The following KCNB2 variants were observed in gnomAD, a reference collection of about 807,000 sequenced individuals.
KCNB2 encodes the protein delayed rectifier potassium channel protein.
KCNB2 carries 15 observed loss-of-function variants against 61.5 expected under a neutral mutation model. The observed-to-expected ratio is 0.24, with a 90% CI of 0.16 to 0.38. KCNB2 has a LOEUF of 0.38. Ranked by LOEUF, KCNB2 falls within the 10% of genes least tolerant of loss-of-function variation. The pLI, the probability that KCNB2 is intolerant of heterozygous loss-of-function variation, is 1.00. For synonymous variants in KCNB2, 457 were observed against 446.0 expected (o/e 1.02, Z -0.31); for missense variants, 828 against 1,125.2 (o/e 0.74, Z 3.78).
chr8:72,588,073 G>A (rs1585768817), intron 2 of KCNB2, among the ~76,000 whole-genome samples: 1 of 152,264 alleles, frequency 6.6e-6, no homozygotes, highest in South Asian at 2.1e-4. Flanking sequence ...AACAGAACTG[G>A]CTCTGGAAAC....
chr8:72,920,488 T>TA (rs57048446), intron 2 of KCNB2, among the ~76,000 whole-genome samples: 34 of 137,212 alleles, frequency 2.5e-4, no homozygotes, highest in Non-Finnish European at 4.0e-4. Flanking sequence ...TATATATATA[T>TA]TAGCTGGCCA....
chr8:72,931,427 T>A (rs982209566), intron 2 of KCNB2, among the ~76,000 whole-genome samples: 1 of 152,226 alleles, frequency 6.6e-6, no homozygotes, highest in Admixed American at 6.5e-5. Context: ...TTCCTATCCA[T>A]GAGCATGGAA....
chr8:72,690,415 T>C lies in KCNB2; in HGVS notation c.579+122102T>C, dbSNP rs189305691. 2.5e-3 allele frequency among the ~76,000 whole-genome samples: 379 copies of C among 152,376 alleles called. 3 individuals are homozygous for C. The highest frequency in any genetic ancestry group is 8.3e-3 in the African/African-American group (345 of 41,596). ...TACGATCTTTGTGTCTGTAGACCAA[T>C]TGAGGATCCCTCCTTTAGGGAAATA... On this transcript the variant is annotated intron_variant, in intron 2 of 2. Transcript: ENST00000523207.
chr8:72,598,576 A>G (rs1807237407), intron 2 of KCNB2, among the ~76,000 whole-genome samples: 3 of 152,214 alleles, frequency 2.0e-5, no homozygotes, highest in Admixed American at 2.0e-4. Flanking sequence ...CTCCTATTCA[A>G]CATAGTGTTG....
intron 1 of KCNB2, among the ~76,000 whole-genome samples, chr8:72,539,596 C>T (rs978834515): frequency 2.0e-5 from 3 of 152,156 alleles, no homozygotes; most frequent in Admixed American, 2.0e-4. Context: ...TCTCAAATCT[C>T]CCTCATACAC....
intron 2 of KCNB2, among the ~76,000 whole-genome samples, chr8:72,885,104 T>C (rs187152646): frequency 2.8e-3 from 432 of 152,294 alleles, no homozygotes; most frequent in African/African-American, 0.01. Context: ...GATATGATCA[T>C]ATATGGTTTA....
chr8:72,905,450 T>C (rs1332744735), intron 2 of KCNB2, among the ~76,000 whole-genome samples: 2 of 150,542 alleles, frequency 1.3e-5, no homozygotes, highest in Admixed American at 1.3e-4. Context: ...GAAATATTTG[T>C]GCACTAAAAT....
In KCNB2 at chr8:72,744,206, T is replaced by C. The variant is rs148161970; in HGVS notation, c.579+175893T>C. Among the ~76,000 whole-genome samples the C allele has an allele frequency of 5.9e-5, 9 of 152,238 alleles. No homozygotes were observed. The East Asian group carries it at 1.7e-3, about 29-fold the overall frequency. ...GTGCAGGACTTTGAATGAGACCTAG[T>C]AGAGAGCAGAAGGAGCCACAGAAAT... On this transcript the variant is annotated intron_variant, in intron 2 of 2. Coordinates refer to ENST00000523207, the MANE Select transcript of KCNB2 (RefSeq NM_004770.3).
At chr8:72,914,489 T>C (rs1806356425) in intron 2 of KCNB2, among the ~76,000 whole-genome samples, 1 of 152,198 alleles carries the variant, frequency 6.6e-6, no homozygotes, top group Non-Finnish European at 1.5e-5. Flanking sequence ...TTAGAAGAAA[T>C]AGTTCTCAGT....
At chr8:72,745,188 C>G (rs1808037200) in intron 2 of KCNB2, among the ~76,000 whole-genome samples, 1 of 152,150 alleles carries the variant, frequency 6.6e-6, no homozygotes, top group Non-Finnish European at 1.5e-5. Flanking sequence ...AAAAGCTGCA[C>G]TAATAAAATA....
intron 2 of KCNB2, among the ~76,000 whole-genome samples, chr8:72,744,519 T>C (rs751482764): frequency 2.6e-5 from 4 of 152,078 alleles, no homozygotes; most frequent in Non-Finnish European, 5.9e-5. Flanking sequence ...TAACAAAATA[T>C]AGGAATAATA....
At chr8:72,600,360 G>A (rs1807275623) in intron 2 of KCNB2, among the ~76,000 whole-genome samples, 1 of 151,886 alleles carries the variant, frequency 6.6e-6, no homozygotes, top group Admixed American at 6.6e-5. Flanking sequence ...AACAAACACT[G>A]CATGTTCTCA....
At chr8:72,644,662 G>C (rs1806102815) in intron 2 of KCNB2, among the ~76,000 whole-genome samples, 1 of 152,128 alleles carries the variant, frequency 6.6e-6, no homozygotes, top group African/African-American at 2.4e-5. Context: ...AATTTAATAT[G>C]TGTCAAGTGT....
At chr8:72,926,487 T>C (rs1179545353) in intron 2 of KCNB2, among the ~76,000 whole-genome samples, 1 of 152,184 alleles carries the variant, frequency 6.6e-6, no homozygotes, top group African/African-American at 2.4e-5. Context: ...AGGATATGCA[T>C]GTTTGTTCCA....
intron 2 of KCNB2, 47 bp from the exon 3 acceptor site, chr8:72,935,888 C>CT (rs745382246): frequency 1.5e-6 from 2 of 1,360,806 alleles, no homozygotes; most frequent in South Asian, 2.5e-5. Flanking sequence ...TCCTAGCTGC[C>CT]TAAGCAACTA....
At chr8:72,633,202 C>A (rs1805908843) in intron 2 of KCNB2, among the ~76,000 whole-genome samples, 1 of 152,092 alleles carries the variant, frequency 6.6e-6, no homozygotes, top group Non-Finnish European at 1.5e-5. Context: ...GTGGTCCCTG[C>A]TTCCTGGCTG....
intron 2 of KCNB2, among the ~76,000 whole-genome samples, chr8:72,929,136 T>A (rs879379686): frequency 2.6e-5 from 4 of 152,134 alleles, no homozygotes; most frequent in Admixed American, 1.3e-4. Context: ...GAACTGAAGC[T>A]CACAGAGGGA....
intron 2 of KCNB2, among the ~76,000 whole-genome samples, chr8:72,595,854 T>G (rs1406654259): frequency 1.3e-5 from 2 of 152,178 alleles, no homozygotes; most frequent in Non-Finnish European, 2.9e-5. Flanking sequence ...AAAGTTTTAG[T>G]GGCACATAAT....
intron 2 of KCNB2, among the ~76,000 whole-genome samples, chr8:72,786,496 A>G (rs1368031008): frequency 6.6e-6 from 1 of 152,186 alleles, no homozygotes; most frequent in Non-Finnish European, 1.5e-5. Flanking sequence ...TAAGACTGCA[A>G]TATGAGATTG....
Sources: gnomAD v4.1 joint callset for allele counts (sites outside exome capture counted in the v4.1 genomes callset) on GRCh38, gnomAD v4.1.1 for gene constraint, MANE v1.5 for transcripts, NCBI Gene and HGNC (gene_info 2026-07-23, HGNC 2026-07-21) for gene names.